SLC6A16: variants seen among roughly 807,000 people sequenced by gnomAD.
SLC6A16 encodes solute carrier family 6 member 16, also known as orphan sodium- and chloride-dependent neurotransmitter transporter NTT5.
In SLC6A16, 54 loss-of-function variants were observed where a neutral mutation model predicts 65.4. The observed-to-expected ratio is 0.83, with a 90% CI of 0.66 to 1.04. The LOEUF is 1.04. Ranked by LOEUF, SLC6A16 falls within the 50% of genes least tolerant of loss-of-function variation. The pLI, the probability that SLC6A16 is intolerant of heterozygous loss-of-function variation, is 0.00. For missense variants in SLC6A16, 816 were observed against 914.0 expected, an observed-to-expected ratio of 0.89 and a Z score of 1.38; for synonymous variants, 330 against 346.5, an observed-to-expected ratio of 0.95 and a Z score of 0.53.
At chr19:49,294,342 T>A in intron 8 of SLC6A16, 25 bp downstream of exon 8, 1 of 1,608,918 alleles carries the variant, frequency 6.2e-7, no homozygotes, top group Non-Finnish European at 8.5e-7. Context: ...AACTCTAGGC[T>A]CCCCCCTCAG....
At position 49,299,139 on chromosome 19, in the gene SLC6A16, G is replaced by A. The variant is rs923806209; in HGVS notation, c.1230-4586C>T. ...TGGGCGCCTGTAGTCCCAGCTACTC[G>A]GGAGGCTGAGGCAGGAGAATGGCGT... On this transcript the variant is annotated intron_variant, in intron 7 of 11. Coordinates refer to ENST00000335875, the MANE Select transcript of SLC6A16 (RefSeq NM_014037.3). 5.9e-5 allele frequency among the ~76,000 whole-genome samples: 9 copies of A among 151,574 alleles called. No homozygotes were observed. The East Asian group carries it at 1.6e-3, about 26-fold the overall frequency.
At position 49,310,093 on chromosome 19, in the gene SLC6A16, T is replaced by C. The variant is rs1193681044; in HGVS notation, c.647A>G (p.Gln216Arg). The stretch of plus-strand genomic sequence containing the variant: ...ACATTTCTCCCATGGAACGGGAAAC[T>C]GGAAGGACTGGCTCATGTAGAAGAT... ...WIIFYMSQSF[Q>R]FPVPWEKCPL... The change falls in exon 4 of 12, where the codon CAG (glutamine) becomes CGG (arginine). Residue 216 changes from glutamine (Q) to arginine (R), a missense_variant. Coordinates refer to ENST00000335875, the MANE Select transcript of SLC6A16 (RefSeq NM_014037.3). 3.1e-6 allele frequency: 5 copies of C among 1,613,868 alleles called. No homozygotes were observed. The South Asian group carries it at 3.3e-5, about 11-fold the overall frequency.
chr19:49,319,006 C>T (rs1009090841), intron 1 of SLC6A16, among the ~76,000 whole-genome samples: 1 of 151,270 alleles, frequency 6.6e-6, no homozygotes, highest in African/African-American at 2.4e-5. Flanking sequence ...AGCCTCCATG[C>T]CTAGCCATGA....
At chr19:49,295,712 AC>A (rs1235345006) in intron 7 of SLC6A16, among the ~76,000 whole-genome samples, 2 of 152,254 alleles carry the variant, frequency 1.3e-5, no homozygotes, top group Non-Finnish European at 2.9e-5. Context: ...GCCAAATACA[AC>A]AAACTGGACC....
At chr19:49,313,992 A>C (rs1970572744) in intron 1 of SLC6A16, among the ~76,000 whole-genome samples, 1 of 151,982 alleles carries the variant, frequency 6.6e-6, no homozygotes, top group African/African-American at 2.4e-5. Flanking sequence ...GCTACTCAGG[A>C]GGCTGAAGCA....
the SLC6A16 span, chr19:49,335,926 T>A: frequency 1.4e-6 from 1 of 707,628 alleles, no homozygotes; most frequent in Non-Finnish European, 2.5e-6. The surrounding 1 kb of genome is among the most constrained non-coding windows in gnomAD (Gnocchi z 4.6). Context: ...CGGAGGCTTC[T>A]TGGAGCCTGA....
chr19:49,319,515 A>T (rs1276236676), intron 1 of SLC6A16, among the ~76,000 whole-genome samples: 1 of 150,846 alleles, frequency 6.6e-6, no homozygotes, highest in Non-Finnish European at 1.5e-5. Flanking sequence ...GTATATGTGT[A>T]TATGTATATA....
At chr19:49,335,166 T>G in the SLC6A16 span, 3 of 234,192 alleles carry the variant, frequency 1.3e-5, no homozygotes, top group African/African-American at 2.3e-5. The surrounding 1 kb of genome is among the most constrained non-coding windows in gnomAD (Gnocchi z 4.6). Context: ...AGCCCTGAGG[T>G]CCCCATGCCC....
the SLC6A16 span, chr19:49,338,157 C>A: frequency 6.9e-7 from 1 of 1,459,516 alleles, no homozygotes; most frequent in Admixed American, 2.6e-5. This position sits in a 1 kb window ranked among gnomAD's most constrained non-coding sequence, Gnocchi z 5.0. Context: ...CCCTCCCAGG[C>A]CCGACGCTCC....
the SLC6A16 span, chr19:49,331,698 G>T: frequency 4.4e-6 from 2 of 455,490 alleles, no homozygotes; most frequent in Non-Finnish European, 8.8e-6. Flanking sequence ...AAAGAGTAAG[G>T]ATTATGGAGG....
the SLC6A16 span, chr19:49,339,738 G>T: frequency 1.4e-6 from 2 of 1,398,168 alleles, no homozygotes; most frequent in Non-Finnish European, 1.9e-6. This position sits in a 1 kb window ranked among gnomAD's most constrained non-coding sequence, Gnocchi z 4.5. Context: ...CGGGCGCTGG[G>T]GATTCGAGCC....
chr19:49,290,641 C>T lies in SLC6A16; in HGVS notation c.1905G>A (p.Met635Ile). 6.2e-7 allele frequency: 1 copy of T among 1,614,112 alleles called. No homozygotes were observed. The highest frequency in any genetic ancestry group is 8.5e-7 in the Non-Finnish European group (1 of 1,180,020). The part of the protein sequence containing the change: ...IFVTMMVHLC[M>I]KPITYMSWDS... ...CCCAGGACATGTAGGTGATCGGCTT[C>T]ATACAAAGATGAACCATCATGGTCA... is the stretch of plus-strand genomic sequence containing the variant. Residue 635 changes from methionine to isoleucine, a missense_variant, in exon 11 of 12, where the codon ATG (methionine) becomes ATA (isoleucine). Coordinates refer to ENST00000335875, the MANE Select transcript of SLC6A16 (RefSeq NM_014037.3).
chr19:49,309,037 G>A lies in SLC6A16; in HGVS notation c.1068C>T (p.Ser356=), dbSNP rs1262320003. Residue 356 remains serine (S), a synonymous_variant, in exon 7 of 12, where the codon TCC becomes TCT. Coordinates refer to ENST00000335875, the MANE Select transcript of SLC6A16 (RefSeq NM_014037.3). ...GCATGTAGGAGGCTAAGGAGGCAAC[G>A]GAGCCAAGGCCTATGCCTGTGTTAG... ...VLSNTGIGLG[S]VASLASYMPQ... is the part of the protein sequence containing the mutation. The A allele has an allele frequency of 4.3e-6, 7 of 1,614,192 alleles. No individual in the cohort carries two copies. The highest frequency in any genetic ancestry group is 2.2e-5 in the East Asian group (1 of 44,882).
At chr19:49,328,890 GAGCTGAAATTTCCTGCC>G (rs1396262325), upstream of SLC6A16, among the ~76,000 whole-genome samples, 2 of 152,152 alleles carry the variant, frequency 1.3e-5, no homozygotes, top group Non-Finnish European at 2.9e-5. Context: ...TATAAGAGAA[GAGCTGAAATTTCCTGCC>G]AGCAACCAGC....
chr19:49,339,279 G>T, the SLC6A16 span: 5 of 1,529,258 alleles, frequency 3.3e-6, no homozygotes, highest in Non-Finnish European at 4.5e-6. The surrounding 1 kb of genome is among the most constrained non-coding windows in gnomAD (Gnocchi z 4.5). Flanking sequence ...GCTGGGCCTG[G>T]GCTTGAGAGT....
At chr19:49,316,633 A>G (rs556576873) in intron 1 of SLC6A16, among the ~76,000 whole-genome samples, 1 of 152,270 alleles carries the variant, frequency 6.6e-6, no homozygotes, top group South Asian at 2.1e-4. Context: ...GAACTCTTAA[A>G]ATTAACCAAC....
At chr19:49,314,164 TAAA>T (rs1162159588) in intron 1 of SLC6A16, among the ~76,000 whole-genome samples, 17 of 150,722 alleles carry the variant, frequency 1.1e-4, no homozygotes, top group African/African-American at 3.9e-4. Flanking sequence ...TAAGTGAAAA[TAAA>T]AAGATCATAA....
At chr19:49,317,892 G>C (rs1970642265) in intron 1 of SLC6A16, among the ~76,000 whole-genome samples, 1 of 151,758 alleles carries the variant, frequency 6.6e-6, no homozygotes, top group Non-Finnish European at 1.5e-5. Context: ...CTAAAAAAAG[G>C]CCAGAAAACA....
At chr19:49,318,932 C>T (rs1000457361) in intron 1 of SLC6A16, among the ~76,000 whole-genome samples, 3 of 140,242 alleles carry the variant, frequency 2.1e-5, no homozygotes, top group Non-Finnish European at 4.5e-5. Context: ...AGGCTGGTCT[C>T]GAACTCCTGA....
Sources: gnomAD v4.1 joint callset for allele counts (sites outside exome capture counted in the v4.1 genomes callset) on GRCh38, gnomAD v4.1.1 for gene constraint, Gnocchi (gnomAD v3.1) non-coding constraint, MANE v1.5 for transcripts, NCBI Gene and HGNC (gene_info 2026-07-23, HGNC 2026-07-21) for gene names.